Variants in KCNH7 observed in about 807,000 individuals in gnomAD.
KCNH7 encodes the protein voltage-gated inwardly rectifying potassium channel KCNH7.
A neutral mutation model predicts 120.8 loss-of-function variants in KCNH7; 49 were observed. The ratio of observed to expected loss-of-function variants is 0.41; its 90% confidence interval spans 0.32 to 0.51. The LOEUF (loss-of-function observed/expected upper bound fraction) is 0.51. Among genes scored for constraint, KCNH7 ranks in the 20% least tolerant of loss-of-function variants. KCNH7 has a pLI of 0.38. For synonymous variants in KCNH7, 547 were observed against 516.1 expected, an observed-to-expected ratio of 1.06 and a Z score of -0.81; for missense variants, 1,097 against 1,446.6, an observed-to-expected ratio of 0.76 and a Z score of 3.92.
At position 162,435,325 on chromosome 2, in the gene KCNH7, G is replaced by A; in HGVS notation, c.1827C>T (p.Ser609=). ...GTGCTGTGACGTATTTGTCTTTAAT[G>A]GATGGTCCAGAACTTGAGTCACTGT... ...YNDSDSSSGP[S]IKDKYVTALY... is the part of the protein sequence containing the mutation. The change falls in exon 8 of 16, where the codon TCC becomes TCT. Residue 609 remains serine (S), a synonymous_variant. Coordinates refer to ENST00000332142, the MANE Select transcript of KCNH7 (RefSeq NM_033272.4). The A allele has an allele frequency of 6.2e-7, 1 of 1,613,884 alleles. No homozygotes were observed. Among genetic ancestry groups the A allele is most frequent in the Non-Finnish European group, 8.5e-7 (1 of 1,179,850 alleles).
At chr2:162,720,018 T>C (rs913653629) in intron 2 of KCNH7, among the ~76,000 whole-genome samples, 4 of 152,032 alleles carry the variant, frequency 2.6e-5, no homozygotes, top group African/African-American at 9.7e-5. Context: ...ATTGAGACAA[T>C]GGTCATACAT....
chr2:162,473,802 A>G (rs1689646366), intron 6 of KCNH7, among the ~76,000 whole-genome samples: 1 of 152,176 alleles, frequency 6.6e-6, no homozygotes, highest in African/African-American at 2.4e-5. Context: ...GTACAGAGAA[A>G]ACCACTTTGT....
chr2:162,582,668 G>T (rs532883855), intron 2 of KCNH7, among the ~76,000 whole-genome samples: 4 of 152,048 alleles, frequency 2.6e-5, no homozygotes, highest in Admixed American at 1.3e-4. Context: ...AAACTTTGGG[G>T]CAGATAAGGT....
At chr2:162,544,708 C>T (rs567426853) in intron 2 of KCNH7, among the ~76,000 whole-genome samples, 1 of 152,178 alleles carries the variant, frequency 6.6e-6, no homozygotes, top group South Asian at 2.1e-4. Context: ...TTGTCCATTT[C>T]CACCCCACTG....
chr2:162,581,357 G>A (rs1693859159), intron 2 of KCNH7, among the ~76,000 whole-genome samples: 1 of 152,016 alleles, frequency 6.6e-6, no homozygotes, highest in Non-Finnish European at 1.5e-5. Context: ...AACAACAATG[G>A]ATAGCTATTT....
intron 2 of KCNH7, among the ~76,000 whole-genome samples, chr2:162,563,701 G>A (rs1367643493): frequency 2.6e-5 from 4 of 152,100 alleles, no homozygotes; most frequent in Non-Finnish European, 5.9e-5. Flanking sequence ...TGGCTGTTGG[G>A]TGAAAGCATG....
chr2:162,758,691 A>T (rs1228250803), intron 2 of KCNH7, among the ~76,000 whole-genome samples: 2 of 152,178 alleles, frequency 1.3e-5, no homozygotes, highest in Non-Finnish European at 2.9e-5. Context: ...AAAGCATTAC[A>T]TTCTGTATAA....
chr2:162,555,374 C>A (rs1415147444), intron 2 of KCNH7, among the ~76,000 whole-genome samples: 1 of 152,210 alleles, frequency 6.6e-6, no homozygotes, highest in African/African-American at 2.4e-5. Flanking sequence ...CGAAATTTAC[C>A]AGACTTACAC....
At chr2:162,417,542 A>T (rs1453165384) in intron 9 of KCNH7, among the ~76,000 whole-genome samples, 1 of 152,200 alleles carries the variant, frequency 6.6e-6, no homozygotes, top group Admixed American at 6.5e-5. Context: ...TAAGAGTAAC[A>T]TTATTAATAA....
intron 6 of KCNH7, among the ~76,000 whole-genome samples, chr2:162,500,854 C>A (rs913821937): frequency 6.6e-6 from 1 of 152,010 alleles, no homozygotes; most frequent in Admixed American, 6.6e-5. Flanking sequence ...CAAGTAAAGT[C>A]TTTTGGTTAT....
At chr2:162,445,581 A>G (rs1051029088) in intron 7 of KCNH7, among the ~76,000 whole-genome samples, 2 of 152,210 alleles carry the variant, frequency 1.3e-5, no homozygotes, top group Admixed American at 6.5e-5. Flanking sequence ...AAGAGAAAGC[A>G]TATTTGAATA....
At chr2:162,831,350 A>G (rs891101752) in intron 2 of KCNH7, among the ~76,000 whole-genome samples, 4 of 152,292 alleles carry the variant, frequency 2.6e-5, no homozygotes, top group Middle Eastern at 3.4e-3. Flanking sequence ...GAGAGAAACT[A>G]GATACTTGAA....
intron 2 of KCNH7, among the ~76,000 whole-genome samples, chr2:162,767,964 A>G (rs1682887105): frequency 6.6e-6 from 1 of 152,172 alleles, no homozygotes; most frequent in South Asian, 2.1e-4. Flanking sequence ...ATCCTACAAC[A>G]TTTTAATCTG....
intron 2 of KCNH7, among the ~76,000 whole-genome samples, chr2:162,645,079 A>T (rs778675025): frequency 6.6e-6 from 1 of 152,096 alleles, no homozygotes; most frequent in Admixed American, 6.6e-5. Flanking sequence ...TGTATGTTTG[A>T]GAATATTTAT....
At position 162,415,150 on chromosome 2, in the gene KCNH7, A is replaced by T. The variant is rs183569733; in HGVS notation, c.2154+8186T>A. On this transcript the variant is annotated intron_variant, in intron 9 of 15. Transcript: ENST00000332142. The stretch of plus-strand genomic sequence containing the variant: ...ACTCTCCTGATTTGTCCTTTTTTTA[A>T]AAAAAAAAACAAAAAACAAAAAAAC... Among the ~76,000 whole-genome samples, 412 of 150,382 alleles carry T rather than the reference A, an allele frequency of 2.7e-3. 2 individuals are homozygous for T. Among genetic ancestry groups the T allele is most frequent in the African/African-American group, 9.6e-3 (394 of 41,202 alleles).
chr2:162,741,132 A>T (rs963320430), intron 2 of KCNH7, among the ~76,000 whole-genome samples: 4 of 151,904 alleles, frequency 2.6e-5, no homozygotes, highest in African/African-American at 9.7e-5. Context: ...GGAGAGGGGT[A>T]TTTAGTTTCA....
chr2:162,526,870 T>C (rs939704967), intron 3 of KCNH7, among the ~76,000 whole-genome samples: 2 of 152,026 alleles, frequency 1.3e-5, no homozygotes, highest in Admixed American at 1.3e-4. Context: ...AGGATATTGA[T>C]TGGGGAAGTG....
chr2:162,596,828 A>C (rs1173864503), intron 2 of KCNH7, among the ~76,000 whole-genome samples: 1 of 152,064 alleles, frequency 6.6e-6, no homozygotes, highest in Non-Finnish European at 1.5e-5. Flanking sequence ...TAGTATCCAA[A>C]ATATACAAGG....
At chr2:162,438,515 G>A (rs1056354501) in intron 7 of KCNH7, among the ~76,000 whole-genome samples, 1 of 152,110 alleles carries the variant, frequency 6.6e-6, no homozygotes, top group African/African-American at 2.4e-5. Flanking sequence ...TTAAATAATT[G>A]CAGAAGTAAT....
Sources: allele counts gnomAD v4.1 joint callset (sites outside exome capture counted in the v4.1 genomes callset), GRCh38; gene constraint gnomAD v4.1.1; transcripts MANE v1.5; gene names NCBI Gene and HGNC (gene_info 2026-07-23, HGNC 2026-07-21).